Variants in NR2F1-AS1 observed in about 807,000 individuals in gnomAD.
The protein encoded by NR2F1-AS1 is NR2F1 regulatory antisense RNA 1.
At chr5:93,504,090 T>A (rs1340920151) in intron 4 of NR2F1-AS1, among the ~76,000 whole-genome samples, 1 of 152,202 alleles carries the variant, frequency 6.6e-6, no homozygotes, top group Non-Finnish European at 1.5e-5. Flanking sequence ...ATAATAAATT[T>A]TTAATTCTAA....
At chr5:93,468,650 A>C (rs200602819) in intron 4 of NR2F1-AS1, among the ~76,000 whole-genome samples, 1 of 152,008 alleles carries the variant, frequency 6.6e-6, no homozygotes, top group Non-Finnish European at 1.5e-5. Context: ...CTTTAGTTTA[A>C]TTAGATCCCG....
chr5:93,552,671 C>CA lies in NR2F1-AS1; in HGVS notation n.638+1089dup, dbSNP rs774291890. On this transcript the variant is annotated intron_variant and non_coding_transcript_variant, in intron 4 of 5. Coordinates refer to ENST00000660523, the Ensembl canonical transcript of NR2F1-AS1. ...AAAAATTGAAAGATAATAACAATTA[C>CA]AAAAAAAAAAAAAAAGGACACGAGC... 5.8e-3 allele frequency among the ~76,000 whole-genome samples: 356 copies of CA among 61,682 alleles called. 1 individual carries two copies. The highest frequency in any genetic ancestry group is 9.7e-3 in the African/African-American group (173 of 17,844). 40.5% of individuals were successfully genotyped at this position (61,682 alleles called of 152,430 possible).
intron 2 of NR2F1-AS1, among the ~76,000 whole-genome samples, chr5:93,555,452 C>T (rs375486190): frequency 7.3e-4 from 111 of 152,222 alleles, no homozygotes; most frequent in African/African-American, 2.6e-3. Flanking sequence ...TTTCAAGTAG[C>T]TTTTTGGGAA....
At chr5:93,435,085 A>ATGCT (rs1341178858) in intron 4 of NR2F1-AS1, among the ~76,000 whole-genome samples, 1 of 152,186 alleles carries the variant, frequency 6.6e-6, no homozygotes, top group Non-Finnish European at 1.5e-5. Flanking sequence ...TCTTGTAAAT[A>ATGCT]TGCTGGTCCT....
At chr5:93,571,908 C>G (rs1752777971) in intron 1 of NR2F1-AS1, among the ~76,000 whole-genome samples, 1 of 152,018 alleles carries the variant, frequency 6.6e-6, no homozygotes, top group African/African-American at 2.4e-5. Flanking sequence ...AGTTCGGTAC[C>G]TGCGACGAGT....
chr5:93,530,280 C>T (rs758298925), intron 4 of NR2F1-AS1, among the ~76,000 whole-genome samples: 4 of 152,040 alleles, frequency 2.6e-5, no homozygotes, highest in Non-Finnish European at 5.9e-5. Context: ...TGTGGTTTCA[C>T]CATTTTAGCC....
chr5:93,463,482 G>A (rs1293677215), intron 4 of NR2F1-AS1, among the ~76,000 whole-genome samples: 5 of 152,222 alleles, frequency 3.3e-5, no homozygotes, highest in Non-Finnish European at 7.3e-5. Flanking sequence ...CCCACAGAGA[G>A]TCCCCACTGG....
At chr5:93,504,023 C>G (rs138538942) in intron 4 of NR2F1-AS1, among the ~76,000 whole-genome samples, 1 of 151,694 alleles carries the variant, frequency 6.6e-6, no homozygotes, top group East Asian at 1.9e-4. Flanking sequence ...CTGGTTTCCT[C>G]AACAAATAAA....
At chr5:93,535,621 A>C (rs1012954583) in intron 4 of NR2F1-AS1, among the ~76,000 whole-genome samples, 8 of 152,112 alleles carry the variant, frequency 5.3e-5, no homozygotes, top group African/African-American at 1.9e-4. Flanking sequence ...ACACAAGCAA[A>C]CTAAATTCAA....
At chr5:93,464,432 G>A (rs1750175601) in intron 4 of NR2F1-AS1, among the ~76,000 whole-genome samples, 1 of 152,090 alleles carries the variant, frequency 6.6e-6, no homozygotes, top group South Asian at 2.1e-4. Flanking sequence ...TAGAAAATGT[G>A]TTTTAAAATA....
chr5:93,491,519 G>T (rs1750850039), intron 4 of NR2F1-AS1, among the ~76,000 whole-genome samples: 1 of 152,038 alleles, frequency 6.6e-6, no homozygotes, highest in Admixed American at 6.6e-5. Context: ...GGGATTCTCA[G>T]ATAGCTAGAA....
chr5:93,436,916 T>A (rs1444918266), intron 4 of NR2F1-AS1, among the ~76,000 whole-genome samples: 1 of 151,984 alleles, frequency 6.6e-6, no homozygotes, highest in Non-Finnish European at 1.5e-5. Flanking sequence ...ACAGCCCTAA[T>A]TTACCTTCCA....
chr5:93,552,877 A>G (rs1393161655), intron 4 of NR2F1-AS1, among the ~76,000 whole-genome samples: 2 of 152,146 alleles, frequency 1.3e-5, no homozygotes, highest in Non-Finnish European at 2.9e-5. Flanking sequence ...TTATAAATGT[A>G]ATTAGTACAG....
intron 2 of NR2F1-AS1, among the ~76,000 whole-genome samples, chr5:93,561,544 G>C (rs1033108474): frequency 2.6e-5 from 4 of 151,988 alleles, no homozygotes; most frequent in Non-Finnish European, 1.5e-5. Flanking sequence ...AGGCCAAAGC[G>C]GGAGGTTCGC....
At chr5:93,581,739 TCTCC>T (rs1419462699), upstream of NR2F1-AS1, among the ~76,000 whole-genome samples, 19 of 25,778 alleles carry the variant, frequency 7.4e-4, 3 homozygotes, top group African/African-American at 3.8e-3. Flanking sequence ...TCTCTCCCCC[TCTCC>T]CTCTCCCTCT....
At chr5:93,527,928 T>C (rs1230973849) in intron 4 of NR2F1-AS1, among the ~76,000 whole-genome samples, 3 of 152,122 alleles carry the variant, frequency 2.0e-5, no homozygotes, top group South Asian at 2.1e-4. Context: ...ACTCAGGATA[T>C]AGGCATGGGC....
chr5:93,442,596 T>G (rs888641255), intron 4 of NR2F1-AS1, among the ~76,000 whole-genome samples: 3 of 152,226 alleles, frequency 2.0e-5, no homozygotes. Context: ...CCTGCCTATG[T>G]AGACTCCACC....
Position 93,463,143 on chromosome 5 carries a change from T to C in NR2F1-AS1, n.639-67601A>G, listed in dbSNP as rs539811705. On this transcript the variant is annotated intron_variant and non_coding_transcript_variant, in intron 4 of 5. Transcript: ENST00000660523. ...AGAGACCTAGGAGGAAAAAATGGTT[T>C]CATGGGCCATGCACAGGGCCCCCCT... Among the ~76,000 whole-genome samples, 8 of 152,282 alleles carry C rather than the reference T, an allele frequency of 5.3e-5. No individual in the cohort carries two copies. The East Asian group carries it at 1.5e-3, about 29-fold the overall frequency.
chr5:93,494,123 A>C (rs1750909370), intron 4 of NR2F1-AS1, among the ~76,000 whole-genome samples: 1 of 152,226 alleles, frequency 6.6e-6, no homozygotes, highest in Admixed American at 6.5e-5. Flanking sequence ...TAATATGCAG[A>C]ATACATAAAG....
Sources: allele counts gnomAD v4.1 joint callset (sites outside exome capture counted in the v4.1 genomes callset), GRCh38; gene constraint gnomAD v4.1.1; transcripts MANE v1.5; gene names NCBI Gene and HGNC (gene_info 2026-07-23, HGNC 2026-07-21).